SYNPR: variants seen among roughly 807,000 people sequenced by gnomAD.
SYNPR encodes synaptoporin.
Under a neutral mutation model 32.9 loss-of-function variants are expected in SYNPR, and 23 were observed. That is an observed-to-expected ratio of 0.70 (90% CI 0.50 to 0.99). The LOEUF is 0.99. Ranked by LOEUF, SYNPR falls within the 50% of genes least tolerant of loss-of-function variation. The pLI, the probability that SYNPR is intolerant of heterozygous loss-of-function variation, is 0.00. For synonymous variants in SYNPR, 146 were observed against 135.9 expected (o/e 1.07, Z -0.52); for missense variants, 318 against 349.3 (o/e 0.91, Z 0.71).
chr3:63,507,892 A>G (rs1701620137), intron 3 of SYNPR, among the ~76,000 whole-genome samples: 1 of 152,102 alleles, frequency 6.6e-6, no homozygotes, highest in Non-Finnish European at 1.5e-5. Flanking sequence ...CAAGCCATGG[A>G]TATAAGTCAC....
At chr3:63,443,346 C>A (rs1276171674) in intron 2 of SYNPR, 3 of 1,532,662 alleles carry the variant, frequency 2.0e-6, no homozygotes, top group Non-Finnish European at 2.6e-6. Flanking sequence ...AAAAGAGGGA[C>A]AAGTGGCTGG....
chr3:63,372,351 G>C (rs570975299), intron 2 of SYNPR, among the ~76,000 whole-genome samples: 1 of 152,030 alleles, frequency 6.6e-6, no homozygotes, highest in Non-Finnish European at 1.5e-5. Context: ...AGTAGCAATG[G>C]CTCTGTGTAT....
At chr3:63,598,890 T>C (rs1699998257) in intron 4 of SYNPR, among the ~76,000 whole-genome samples, 4 of 152,216 alleles carry the variant, frequency 2.6e-5, no homozygotes, top group Admixed American at 2.6e-4. Flanking sequence ...TCTTTTAGAC[T>C]GACAGGGATC....
chr3:63,247,616 G>C (rs2086302130), intron 1 of SYNPR, among the ~76,000 whole-genome samples: 1 of 152,054 alleles, frequency 6.6e-6, no homozygotes, highest in Non-Finnish European at 1.5e-5. Flanking sequence ...TTGTTGGCTT[G>C]AGATATTTTC....
At chr3:63,437,580 T>TGAGA (rs139867146) in intron 2 of SYNPR, among the ~76,000 whole-genome samples, 3 of 110,640 alleles carry the variant, frequency 2.7e-5, no homozygotes, top group African/African-American at 7.1e-5. Flanking sequence ...GAAAGAAGAG[T>TGAGA]GAGAGAGAGA....
intron 3 of SYNPR, among the ~76,000 whole-genome samples, chr3:63,520,100 A>G (rs935047549): frequency 1.1e-4 from 16 of 152,208 alleles, no homozygotes; most frequent in Admixed American, 8.5e-4. Flanking sequence ...CCAGGTCATT[A>G]AATATTCTTT....
At chr3:63,491,373 C>T (rs146877819) in intron 3 of SYNPR, among the ~76,000 whole-genome samples, 10 of 151,954 alleles carry the variant, frequency 6.6e-5, no homozygotes, top group East Asian at 1.9e-4. Context: ...AATCTGAAGA[C>T]GAGCAAGGGA....
At chr3:63,226,687 C>G (rs1371808991), upstream of SYNPR, among the ~76,000 whole-genome samples, 1 of 151,926 alleles carries the variant, frequency 6.6e-6, no homozygotes, top group Non-Finnish European at 1.5e-5. Context: ...ATGATACATA[C>G]CAGAGTTGGG....
chr3:63,380,056 A>G (rs569648834), intron 2 of SYNPR, among the ~76,000 whole-genome samples: 10 of 152,248 alleles, frequency 6.6e-5, no homozygotes, highest in African/African-American at 2.4e-4. Flanking sequence ...CATGGTGTAT[A>G]TGTGCCACAT....
chr3:63,426,837 C>T (rs1699901579), intron 2 of SYNPR: 1 of 152,080 alleles, frequency 6.6e-6, no homozygotes, highest in South Asian at 2.1e-4. Flanking sequence ...TAAAGTTTTT[C>T]CACTGCAGGG....
At chr3:63,278,605 G>A (rs376884370) in intron 1 of SYNPR, 54 bp downstream of exon 1, 7 of 1,550,388 alleles carry the variant, frequency 4.5e-6, no homozygotes, top group Middle Eastern at 1.7e-4. Context: ...GGGGGATGCC[G>A]CGGCTTGGGA....
intron 2 of SYNPR, among the ~76,000 whole-genome samples, chr3:63,302,529 T>G (rs542890029): frequency 9.4e-4 from 143 of 152,204 alleles, no homozygotes; most frequent in African/African-American, 3.2e-3. Context: ...GTATGCCTTC[T>G]TCTATCTCAC....
the SYNPR span, among the ~76,000 whole-genome samples, chr3:63,209,272 C>G: frequency 6.9e-6 from 1 of 144,166 alleles, no homozygotes; most frequent in Non-Finnish European, 1.5e-5. Context: ...GAGCAGAGAT[C>G]GCGCCACTGC....
the SYNPR span, among the ~76,000 whole-genome samples, chr3:63,211,630 C>G: frequency 6.6e-6 from 1 of 152,024 alleles, no homozygotes; most frequent in African/African-American, 2.4e-5. Context: ...AAAAATTAGC[C>G]TGCCATATCA....
At chr3:63,249,559 GA>G (rs1163412598) in intron 1 of SYNPR, among the ~76,000 whole-genome samples, 1 of 152,070 alleles carries the variant, frequency 6.6e-6, no homozygotes. Flanking sequence ...GAAAGAGTGG[GA>G]GGGGGCGAGG....
chr3:63,586,213 G>T (rs996618597), intron 4 of SYNPR, among the ~76,000 whole-genome samples: 1 of 151,790 alleles, frequency 6.6e-6, no homozygotes, highest in South Asian at 2.1e-4. Flanking sequence ...AAGGCATAAG[G>T]AATGCTTGAA....
chr3:63,415,170 A>T (rs1001202613), intron 2 of SYNPR, among the ~76,000 whole-genome samples: 1 of 152,226 alleles, frequency 6.6e-6, no homozygotes, highest in Non-Finnish European at 1.5e-5. Context: ...TTCTTTATGC[A>T]TATCGTATCT....
intron 1 of SYNPR, 41 bp downstream of exon 1, chr3:63,278,592 G>C (rs1208050166): frequency 7.1e-6 from 11 of 1,550,700 alleles, no homozygotes; most frequent in Non-Finnish European, 8.7e-7. Context: ...GGGAGCAGGG[G>C]GCGGGGGATG....
intron 1 of SYNPR, among the ~76,000 whole-genome samples, chr3:63,231,836 C>T (rs1416499862): frequency 1.3e-5 from 2 of 152,156 alleles, no homozygotes; most frequent in Non-Finnish European, 2.9e-5. Context: ...ACAGATTTTT[C>T]TTATCAAAGC....
Sources: allele counts gnomAD v4.1 joint callset (sites outside exome capture counted in the v4.1 genomes callset), GRCh38; gene constraint gnomAD v4.1.1; transcripts MANE v1.5; gene names NCBI Gene and HGNC (gene_info 2026-07-23, HGNC 2026-07-21).